Variants in GBF1 observed in about 807,000 individuals in gnomAD.
GBF1 encodes Golgi-specific brefeldin A-resistance guanine nucleotide exchange factor 1.
In GBF1, 114 loss-of-function variants were observed where a neutral mutation model predicts 210.5. The ratio of observed to expected loss-of-function variants is 0.54; its 90% confidence interval spans 0.47 to 0.63. The LOEUF (loss-of-function observed/expected upper bound fraction) is 0.63. Among genes scored for constraint, GBF1 ranks in the 30% least tolerant of loss-of-function variants. GBF1 has a pLI of 0.00. For missense variants in GBF1, 1,851 were observed against 2,357.7 expected (o/e 0.79, Z 4.45); for synonymous variants, 850 against 889.2 (o/e 0.96, Z 0.78).
rs75319510 is a variant in GBF1, at chr10:102,377,116, G to A, written c.4470G>A (p.Thr1490=). The change falls in exon 33 of 40, where the codon ACG becomes ACA. Residue 1490 remains threonine, a synonymous_variant. Coordinates refer to ENST00000369983, the MANE Select transcript of GBF1 (RefSeq NM_001377137.1). ...AAGGCGTGCCTGCCAGCTACCATAC[G>A]GTGTCTTTACAGGTCAGTCAGGACG... is the stretch of plus-strand genomic sequence containing the variant. ...EDEGVPASYH[T]VSLQVSQDLL... The A allele has an allele frequency of 2.3e-3, 3,718 of 1,613,916 alleles. 77 individuals are homozygous for A. The African/African-American group carries it at 0.044, about 19-fold the overall frequency.
chr10:102,240,413 A>G (rs1248725044), upstream of GBF1, among the ~76,000 whole-genome samples: 3 of 152,050 alleles, frequency 2.0e-5, no homozygotes, highest in Non-Finnish European at 4.4e-5. Flanking sequence ...TGTAGCCTTT[A>G]CTCTCGCTCC....
chr10:102,246,653 G>C (rs1198947198), intron 1 of GBF1, among the ~76,000 whole-genome samples: 1 of 152,170 alleles, frequency 6.6e-6, no homozygotes, highest in Non-Finnish European at 1.5e-5. Flanking sequence ...CCAATTGTAG[G>C]GTCAGAGCCC....
Position 102,363,680 on chromosome 10 carries a change from A to T in GBF1, c.2018-30A>T. The T allele has an allele frequency of 7.0e-7, 1 of 1,437,390 alleles. No individual in the cohort carries two copies. The highest frequency in any genetic ancestry group is 2.3e-5 in the East Asian group (1 of 44,052). The allele number at this position is 1,437,390 out of a possible 1,614,324, so 89.0% of individuals were successfully genotyped here. The stretch of plus-strand genomic sequence containing the variant: ...ATCTGGGTAAAAAAAGGTGTTACAG[A>T]TATTTCCCCCCTCTTCTTCCTACTC... On this transcript the variant is annotated intron_variant, in intron 16 of 39. Coordinates refer to ENST00000369983, the MANE Select transcript of GBF1 (RefSeq NM_001377137.1). The surrounding 1 kb of genome is among the most constrained non-coding windows in gnomAD (Gnocchi z 4.2).
chr10:102,287,554 C>T (rs758892057), intron 3 of GBF1, among the ~76,000 whole-genome samples: 2 of 151,938 alleles, frequency 1.3e-5, no homozygotes, highest in Non-Finnish European at 2.9e-5. Context: ...GGCTTAGGGT[C>T]TCTCAAGATG....
intron 3 of GBF1, among the ~76,000 whole-genome samples, chr10:102,306,766 G>A (rs920344012): frequency 3.9e-5 from 6 of 152,188 alleles, no homozygotes; most frequent in Non-Finnish European, 8.8e-5. Context: ...CCAAGGAATT[G>A]GCCATTATTA....
intron 4 of GBF1, among the ~76,000 whole-genome samples, chr10:102,350,522 G>A (rs2058882856): frequency 6.6e-6 from 1 of 152,054 alleles, no homozygotes; most frequent in Non-Finnish European, 1.5e-5. Flanking sequence ...AGGAGAAAAG[G>A]CCACAAGCTT....
At chr10:102,315,557 C>A (rs1402199089) in intron 3 of GBF1, among the ~76,000 whole-genome samples, 2 of 152,152 alleles carry the variant, frequency 1.3e-5, no homozygotes, top group African/African-American at 4.8e-5. Flanking sequence ...AAGTGTTCGA[C>A]CTCAGCTCAT....
At chr10:102,301,281 A>G (rs2077323422) in intron 3 of GBF1, among the ~76,000 whole-genome samples, 1 of 152,188 alleles carries the variant, frequency 6.6e-6, no homozygotes, top group Non-Finnish European at 1.5e-5. Context: ...CATGTTTCAG[A>G]GAGCACGGGG....
intron 3 of GBF1, among the ~76,000 whole-genome samples, chr10:102,325,680 C>T (rs1348739287): frequency 6.6e-6 from 1 of 151,814 alleles, no homozygotes; most frequent in Non-Finnish European, 1.5e-5. Flanking sequence ...GACACAGTCT[C>T]ACTCTGTCAC....
intron 3 of GBF1, among the ~76,000 whole-genome samples, chr10:102,263,446 G>A (rs904330908): frequency 7.2e-5 from 11 of 152,080 alleles, no homozygotes; most frequent in African/African-American, 2.7e-4. Flanking sequence ...TTTTGCAAAG[G>A]GTTTCTGTTT....
chr10:102,280,130 A>AAAGAG (rs1554949955), intron 3 of GBF1, among the ~76,000 whole-genome samples: 1 of 150,018 alleles, frequency 6.7e-6, no homozygotes, highest in African/African-American at 2.4e-5. Flanking sequence ...CTTAAAAAAA[A>AAAGAG]AGAGAGAGAG....
chr10:102,339,122 G>T lies in GBF1; in HGVS notation c.164-4929G>T, dbSNP rs181101954. Among the ~76,000 whole-genome samples the T allele has an allele frequency of 1.8e-3, 274 of 152,328 alleles. 2 individuals carry two copies. The highest frequency in any genetic ancestry group is 3.4e-3 in the Middle Eastern group (1 of 294). ...TCACGCCTATAATCCCAGCACTTTG[G>T]AAGGCCGAGACGGGTGGATCACCTG... On this transcript the variant is annotated intron_variant, in intron 3 of 39. Transcript: ENST00000369983.
chr10:102,359,263 A>C lies in GBF1; in HGVS notation c.1012-4A>C. 6.3e-7 allele frequency: 1 copy of C among 1,599,348 alleles called. No homozygotes were observed. Among genetic ancestry groups the C allele is most frequent in the Non-Finnish European group, 8.6e-7 (1 of 1,166,542 alleles). On this transcript the variant is annotated splice_polypyrimidine_tract_variant and splice_region_variant and intron_variant, in intron 10 of 39. Coordinates refer to ENST00000369983, the MANE Select transcript of GBF1 (RefSeq NM_001377137.1). ...TTCCCATATCTCCCTGCTACTGGTC[A>C]TAGCAGGAAGGGACCCATGTGGAAA...
intron 9 of GBF1, 82 bp downstream of exon 9, chr10:102,358,268 C>G: frequency 7.9e-7 from 1 of 1,259,354 alleles, no homozygotes; most frequent in Non-Finnish European, 1.1e-6. Context: ...TGAAGACCAA[C>G]CAACTGAGGG....
intron 3 of GBF1, among the ~76,000 whole-genome samples, chr10:102,279,396 A>G (rs2075285220): frequency 6.6e-6 from 1 of 152,214 alleles, no homozygotes; most frequent in African/African-American, 2.4e-5. Flanking sequence ...CTCTTTTAAT[A>G]AGTGGGATTT....
chr10:102,259,301 T>C (rs760506893), intron 2 of GBF1, among the ~76,000 whole-genome samples: 1 of 152,242 alleles, frequency 6.6e-6, no homozygotes, highest in Admixed American at 6.5e-5. Context: ...CTCTTTAGTA[T>C]GCCTAAAAGT....
At chr10:102,253,310 T>C (rs568279287) in intron 1 of GBF1, among the ~76,000 whole-genome samples, 1 of 152,318 alleles carries the variant, frequency 6.6e-6, no homozygotes, top group Admixed American at 6.5e-5. Context: ...TGCCCTTCCC[T>C]GTTAGTTCCC....
chr10:102,312,234 G>A (rs545923219), intron 3 of GBF1, among the ~76,000 whole-genome samples: 1 of 151,802 alleles, frequency 6.6e-6, no homozygotes, highest in South Asian at 2.1e-4. Context: ...TGGAGGTTGC[G>A]GTGAGCTGAG....
At position 102,381,194 on chromosome 10, in the gene GBF1, C is replaced by G; in HGVS notation, c.5241C>G (p.Gly1747=). The part of the protein sequence containing the change: ...LASAHLTSAA[G]DTRTPGHPPP... The stretch of plus-strand genomic sequence containing the variant: ...CAGCCCACCTGACTTCCGCTGCTGG[C>G]GACACTAGGACACCTGGCCATCCAC... Residue 1747 remains glycine (G), a synonymous_variant, in exon 39 of 40, where the codon GGC becomes GGG. Transcript: ENST00000369983. 2 of 1,613,836 alleles carry G rather than the reference C, an allele frequency of 1.2e-6. No individual in the cohort carries two copies. Among genetic ancestry groups the G allele is most frequent in the South Asian group, 2.2e-5 (2 of 91,070 alleles).
Sources: gnomAD v4.1 joint callset for allele counts (sites outside exome capture counted in the v4.1 genomes callset) on GRCh38, gnomAD v4.1.1 for gene constraint, Gnocchi (gnomAD v3.1) non-coding constraint, MANE v1.5 for transcripts, NCBI Gene and HGNC (gene_info 2026-07-23, HGNC 2026-07-21) for gene names.